The following NR3C2 variants were observed in gnomAD, a reference collection of about 807,000 sequenced individuals.
The protein encoded by NR3C2 is mineralocorticoid receptor.
Under a neutral mutation model 86.4 loss-of-function variants are expected in NR3C2, and 15 were observed. The observed-to-expected ratio is 0.17, with a 90% CI of 0.12 to 0.27. The LOEUF (loss-of-function observed/expected upper bound fraction) is 0.27, where lower values mean the gene tolerates loss of function less well. NR3C2 is among the 10% of genes least tolerant of loss of function. NR3C2 has a pLI of 1.00. For missense variants in NR3C2, 960 were observed against 1,195.6 expected (o/e 0.80, Z 2.91); for synonymous variants, 458 against 450.5 (o/e 1.02, Z -0.21).
chr4:148,144,623 T>G lies in NR3C2; in HGVS notation c.2510+7846A>C, dbSNP rs183802267. On this transcript the variant is annotated intron_variant, in intron 6 of 8. Transcript: ENST00000358102. ...AATTCTGGTTTTGGGGACTTGTATCTACCTCTCCTCTCTCCCTGTATATAA... is the reference window on the plus strand; with the variant it reads ...AATTCTGGTTTTGGGGACTTGTATCGACCTCTCCTCTCTCCCTGTATATAA... Among the ~76,000 whole-genome samples the G allele has an allele frequency of 2.9e-4, 44 of 152,336 alleles. No homozygotes were observed. The East Asian group carries it at 8.1e-3, about 28-fold the overall frequency.
chr4:148,258,614 G>T lies in NR3C2; in HGVS notation c.1897+1364C>A, dbSNP rs1404531925. On this transcript the variant is annotated intron_variant, in intron 3 of 8. Transcript: ENST00000358102. ...TCAATCTGAGGAGATTCCACTGGGA[G>T]CTTTTATAGGAATTGCTAGGAACAG... 6.1e-4 allele frequency among the ~76,000 whole-genome samples: 93 copies of T among 152,204 alleles called. 1 individual carries two copies. The highest frequency in any genetic ancestry group is 6.1e-3 in the Admixed American group (93 of 15,276).
In NR3C2 at chr4:148,108,596, A is replaced by G. The variant is rs376187381; in HGVS notation, c.2799+5508T>C. ...AGCTTCTAGCATGGCCCCTGGAGAC[A>G]CAGAAAGCAGCTATTCAGCAATGGG... On this transcript the variant is annotated intron_variant, in intron 8 of 8. Coordinates refer to ENST00000358102, the MANE Select transcript of NR3C2 (RefSeq NM_000901.5). Among the ~76,000 whole-genome samples the G allele has an allele frequency of 6.6e-5, 10 of 152,256 alleles. 1 individual carries two copies. In the South Asian group the frequency reaches 2.1e-3, roughly 32 times the overall value.
intron 2 of NR3C2, among the ~76,000 whole-genome samples, chr4:148,339,084 A>T (rs1194045317): frequency 6.6e-6 from 1 of 152,216 alleles, no homozygotes; most frequent in Non-Finnish European, 1.5e-5. Flanking sequence ...ATGGAAGTTG[A>T]TTTAGAGAAT....
At chr4:148,265,913 C>T (rs915849261) in intron 2 of NR3C2, among the ~76,000 whole-genome samples, 1 of 152,016 alleles carries the variant, frequency 6.6e-6, no homozygotes, top group Non-Finnish European at 1.5e-5. Context: ...AGTCCTTATC[C>T]TCATGGAACT....
At chr4:148,374,252 ATAAAT>A (rs1420543507) in intron 2 of NR3C2, among the ~76,000 whole-genome samples, 1 of 152,254 alleles carries the variant, frequency 6.6e-6, no homozygotes, top group Non-Finnish European at 1.5e-5. Context: ...TTCTTTGAAT[ATAAAT>A]TAAATATTCA....
intron 5 of NR3C2, among the ~76,000 whole-genome samples, chr4:148,154,284 A>G (rs1339460953): frequency 6.6e-6 from 1 of 152,148 alleles, no homozygotes; most frequent in East Asian, 1.9e-4. Flanking sequence ...TTGGCCTCCC[A>G]AAGTGCTGGG....
At chr4:148,269,403 T>C (rs1438293748) in intron 2 of NR3C2, among the ~76,000 whole-genome samples, 2 of 152,210 alleles carry the variant, frequency 1.3e-5, no homozygotes, top group African/African-American at 4.8e-5. Context: ...GATGCATATG[T>C]AAACTATATT....
At chr4:148,329,186 C>T (rs1219140443) in intron 2 of NR3C2, among the ~76,000 whole-genome samples, 1 of 152,124 alleles carries the variant, frequency 6.6e-6, no homozygotes, top group African/African-American at 2.4e-5. Flanking sequence ...CCCTCAACCC[C>T]CAAGGGCACA....
In NR3C2 at chr4:148,136,076, AC is replaced by A. The variant is rs72245450; in HGVS notation, c.2511-15789del. Among the ~76,000 whole-genome samples, 180 of 37,542 alleles carry A rather than the reference AC, an allele frequency of 4.8e-3. 14 individuals are homozygous for A. The highest frequency in any genetic ancestry group is 0.011 in the African/African-American group (140 of 12,392). The allele number at this position is 37,542 out of a possible 152,430, so 24.6% of individuals were successfully genotyped here. A position where few individuals can be genotyped will look rare whatever the true frequency, so the allele number is the denominator to read the frequency against. Reference sequence around the variant, plus strand: ...CGTCTCAAAAAAAAAAAAAAAAAAAACAAAAAAAAAAAACACCACCAAAACC... The same window carrying A: ...CGTCTCAAAAAAAAAAAAAAAAAAAAAAAAAAAAAAAACACCACCAAAACC... On this transcript the variant is annotated intron_variant, in intron 6 of 8. Coordinates refer to ENST00000358102, the MANE Select transcript of NR3C2 (RefSeq NM_000901.5).
chr4:148,395,667 G>A lies in NR3C2; in HGVS notation c.1757+39437C>T, dbSNP rs550447383. Among the ~76,000 whole-genome samples, 4 of 152,284 alleles carry A rather than the reference G, an allele frequency of 2.6e-5. No homozygotes were observed. The South Asian group carries it at 8.3e-4, about 32-fold the overall frequency. On this transcript the variant is annotated intron_variant, in intron 2 of 8. Transcript: ENST00000358102. ...TACATAATATTGAACCATACTCAAT[G>A]AAATATTCCAAACTCATGACAGAGT...
At chr4:148,393,648 T>C (rs1342979612) in intron 2 of NR3C2, among the ~76,000 whole-genome samples, 3 of 152,154 alleles carry the variant, frequency 2.0e-5, no homozygotes, top group African/African-American at 7.2e-5. Flanking sequence ...AGGATTTCCA[T>C]TTTGTTAATA....
chr4:148,261,241 G>A (rs577305470), intron 2 of NR3C2, among the ~76,000 whole-genome samples: 5 of 150,936 alleles, frequency 3.3e-5, no homozygotes, highest in East Asian at 2.0e-4. Context: ...TATGGTAAGC[G>A]CTATGGTGCA....
chr4:148,234,357 C>G (rs1738628544), intron 3 of NR3C2, among the ~76,000 whole-genome samples: 1 of 151,974 alleles, frequency 6.6e-6, no homozygotes, highest in Non-Finnish European at 1.5e-5. Flanking sequence ...GTCTCCAGTA[C>G]TTATATAACC....
At chr4:148,129,561 T>C (rs1032403705) in intron 6 of NR3C2, among the ~76,000 whole-genome samples, 2 of 152,202 alleles carry the variant, frequency 1.3e-5, no homozygotes, top group African/African-American at 4.8e-5. Context: ...AACAAGAATC[T>C]CTACAACCCA....
chr4:148,174,114 T>A (rs1438102820), intron 4 of NR3C2, among the ~76,000 whole-genome samples: 1 of 152,176 alleles, frequency 6.6e-6, no homozygotes, highest in Non-Finnish European at 1.5e-5. Context: ...ATTAAAAAAA[T>A]AAGTCAAATG....
chr4:148,381,063 C>CA (rs1028181017), intron 2 of NR3C2, among the ~76,000 whole-genome samples: 25 of 151,678 alleles, frequency 1.6e-4, no homozygotes, highest in Middle Eastern at 3.4e-3. Flanking sequence ...CCTGTCTCTA[C>CA]AAAAAAATAC....
intron 8 of NR3C2, among the ~76,000 whole-genome samples, chr4:148,112,984 A>G (rs1352627601): frequency 6.6e-6 from 1 of 152,236 alleles, no homozygotes; most frequent in Non-Finnish European, 1.5e-5. Flanking sequence ...AAGTATGGAA[A>G]CTTCACAAAT....
intron 3 of NR3C2, among the ~76,000 whole-genome samples, chr4:148,204,815 A>G (rs1736919310): frequency 6.6e-6 from 1 of 152,226 alleles, no homozygotes; most frequent in Non-Finnish European, 1.5e-5. Flanking sequence ...ATTACATCAT[A>G]CGTAGGATGC....
At chr4:148,196,748 G>A (rs1736459018) in intron 3 of NR3C2, among the ~76,000 whole-genome samples, 1 of 152,104 alleles carries the variant, frequency 6.6e-6, no homozygotes, top group African/African-American at 2.4e-5. Flanking sequence ...ATCTATCAAA[G>A]TGAAGAAATG....
Sources: gnomAD v4.1 joint callset for allele counts (sites outside exome capture counted in the v4.1 genomes callset) on GRCh38, gnomAD v4.1.1 for gene constraint, MANE v1.5 for transcripts, NCBI Gene and HGNC (gene_info 2026-07-23, HGNC 2026-07-21) for gene names.